The following TNFSF4 variants were observed in gnomAD, a reference collection of about 807,000 sequenced individuals.
TNFSF4 encodes TNF superfamily member 4, also known as tumor necrosis factor ligand superfamily member 4.
In TNFSF4, 4 loss-of-function variants were observed where a neutral mutation model predicts 7.3. The ratio of observed to expected loss-of-function variants is 0.55; its 90% CI spans 0.27 to 1.25. The LOEUF is 1.25. Ranked by LOEUF, TNFSF4 falls within the 50% of genes most tolerant of loss-of-function variation. The pLI, the probability that TNFSF4 is intolerant of heterozygous loss-of-function variation, is 0.12. For missense variants in TNFSF4, 181 were observed against 208.8 expected, an observed-to-expected ratio of 0.87 and a Z score of 0.82; for synonymous variants, 76 against 83.7, an observed-to-expected ratio of 0.91 and a Z score of 0.50.
At chr1:173,403,895 G>A in the TNFSF4 span, among the ~76,000 whole-genome samples, 1 of 107,244 alleles carries the variant, frequency 9.3e-6, no homozygotes, top group Non-Finnish European at 1.9e-5. Flanking sequence ...GAGCAAGACT[G>A]TGTCTCAAAA....
downstream of TNFSF4, among the ~76,000 whole-genome samples, chr1:173,182,528 A>G (rs1476714494): frequency 2.6e-5 from 4 of 152,194 alleles, no homozygotes; most frequent in Non-Finnish European, 4.4e-5. Context: ...TCAGAGTCTC[A>G]AGTTTTCAGA....
At chr1:173,411,737 G>A in the TNFSF4 span, among the ~76,000 whole-genome samples, 1 of 152,102 alleles carries the variant, frequency 6.6e-6, no homozygotes, top group Non-Finnish European at 1.5e-5. Context: ...AGGAGGCAGA[G>A]GTTGCAGTGA....
At chr1:173,210,978 C>G (rs567721025), upstream of TNFSF4, among the ~76,000 whole-genome samples, 2 of 152,330 alleles carry the variant, frequency 1.3e-5, no homozygotes, top group East Asian at 3.9e-4. Context: ...AATGCAGGCT[C>G]TTTTTCTAAT....
chr1:173,385,393 T>G, the TNFSF4 span, among the ~76,000 whole-genome samples: 1 of 152,170 alleles, frequency 6.6e-6, no homozygotes, highest in African/African-American at 2.4e-5. Flanking sequence ...GTTGCAACCC[T>G]CTTAGCAAAA....
At chr1:173,198,889 T>G (rs1310190565) in intron 1 of TNFSF4, among the ~76,000 whole-genome samples, 1 of 152,196 alleles carries the variant, frequency 6.6e-6, no homozygotes, top group African/African-American at 2.4e-5. Context: ...CATCACAGAA[T>G]AGCAGTGGGA....
the TNFSF4 span, among the ~76,000 whole-genome samples, chr1:173,318,881 C>T: frequency 6.6e-6 from 1 of 152,150 alleles, no homozygotes; most frequent in Non-Finnish European, 1.5e-5. Context: ...GTGCCTACAC[C>T]ACTAGGGTCC....
At chr1:173,437,615 C>T in the TNFSF4 span, among the ~76,000 whole-genome samples, 1 of 151,986 alleles carries the variant, frequency 6.6e-6, no homozygotes. Flanking sequence ...TCTATTGTTA[C>T]TTTTTCCCAA....
the TNFSF4 span, among the ~76,000 whole-genome samples, chr1:173,416,638 T>TTTTGAGAGA: frequency 9.1e-6 from 1 of 110,084 alleles, no homozygotes; most frequent in African/African-American, 3.3e-5. Context: ...ATTTATTTTT[T>TTTTGAGAGA]GAGAGAGAGA....
the TNFSF4 span, among the ~76,000 whole-genome samples, chr1:173,379,645 T>C: frequency 1.3e-5 from 2 of 152,140 alleles, no homozygotes; most frequent in Non-Finnish European, 2.9e-5. Context: ...CTCAGTGTTC[T>C]GTAATAGGGA....
intron 1 of TNFSF4, among the ~76,000 whole-genome samples, chr1:173,204,876 TTCTC>T (rs370560573): frequency 4.1e-5 from 6 of 148,110 alleles, no homozygotes; most frequent in African/African-American, 1.3e-4. Context: ...CTGTCTCTGT[TTCTC>T]TCTCTCTCTC....
chr1:173,443,510 ATAT>A, the TNFSF4 span, among the ~76,000 whole-genome samples: 58 of 152,210 alleles, frequency 3.8e-4, no homozygotes, highest in Admixed American at 1.0e-3. Context: ...AAGGGAAGAA[ATAT>A]TATACAATAG....
the TNFSF4 span, among the ~76,000 whole-genome samples, chr1:173,320,675 A>G: frequency 2.6e-5 from 4 of 152,250 alleles, no homozygotes; most frequent in South Asian, 4.1e-4. Context: ...GCATTCCTAT[A>G]CACCAATAAT....
At chr1:173,395,436 A>G in the TNFSF4 span, among the ~76,000 whole-genome samples, 6 of 138,868 alleles carry the variant, frequency 4.3e-5, no homozygotes, top group African/African-American at 1.6e-4. Context: ...AGAGAGAGAG[A>G]AAATTTTGGG....
At chr1:173,246,242 A>C in the TNFSF4 span, among the ~76,000 whole-genome samples, 1 of 152,104 alleles carries the variant, frequency 6.6e-6, no homozygotes, top group Non-Finnish European at 1.5e-5. Flanking sequence ...GCACCTATTA[A>C]CTGGTCACCT....
chr1:173,235,571 C>T, the TNFSF4 span, among the ~76,000 whole-genome samples: 2 of 152,162 alleles, frequency 1.3e-5, no homozygotes, highest in Admixed American at 1.3e-4. Context: ...AGTAGGAAAA[C>T]CCAAGGAGCT....
At chr1:173,181,634 A>C (rs1649056733), downstream of TNFSF4, among the ~76,000 whole-genome samples, 1 of 152,152 alleles carries the variant, frequency 6.6e-6, no homozygotes, top group African/African-American at 2.4e-5. Flanking sequence ...CCTCTTCCTA[A>C]GGCAGTTCCC....
chr1:173,441,548 C>T, the TNFSF4 span, among the ~76,000 whole-genome samples: 3 of 152,246 alleles, frequency 2.0e-5, no homozygotes, highest in East Asian at 1.9e-4. Context: ...CACTTGAACC[C>T]GGGAGGTGGA....
Position 173,206,951 on chromosome 1 carries a change from C to T in TNFSF4, c.153+73G>A, listed in dbSNP as rs574676539. Reference sequence around the variant, plus strand: ...CTTTTGGCATAAGATTATTTCCAAGCGACTGTTTGCAGCTGTTGCAGCTGC... The same window carrying T: ...CTTTTGGCATAAGATTATTTCCAAGTGACTGTTTGCAGCTGTTGCAGCTGC... On this transcript the variant is annotated intron_variant, in intron 1 of 2. Coordinates refer to ENST00000281834, the MANE Select transcript of TNFSF4 (RefSeq NM_003326.5). 13 of 1,486,180 alleles carry T rather than the reference C, an allele frequency of 8.7e-6. No individual in the cohort carries two copies. The East Asian group carries it at 2.6e-4, about 30-fold the overall frequency. 92.1% of individuals were successfully genotyped at this position (1,486,180 alleles called of 1,614,324 possible).
At chr1:173,431,352 AG>A in the TNFSF4 span, among the ~76,000 whole-genome samples, 1 of 152,198 alleles carries the variant, frequency 6.6e-6, no homozygotes, top group Non-Finnish European at 1.5e-5. Flanking sequence ...TCCATTCTTG[AG>A]GAAGTTTCTG....
Sources: gnomAD v4.1 joint callset for allele counts (sites outside exome capture counted in the v4.1 genomes callset) on GRCh38, gnomAD v4.1.1 for gene constraint, MANE v1.5 for transcripts, NCBI Gene and HGNC (gene_info 2026-07-23, HGNC 2026-07-21) for gene names.